The following RHOJ variants were observed in gnomAD, a reference collection of about 807,000 sequenced individuals.
The protein encoded by RHOJ is rho-related GTP-binding protein RhoJ.
Under a neutral mutation model 23.4 loss-of-function variants are expected in RHOJ, and 11 were observed. The ratio of observed to expected loss-of-function variants is 0.47; its 90% CI spans 0.30 to 0.78. The LOEUF (loss-of-function observed/expected upper bound fraction) is 0.78, where lower values mean the gene tolerates loss of function less well. Among genes scored for constraint, RHOJ ranks in the 30% least tolerant of loss-of-function variants. RHOJ has a pLI of 0.08. For synonymous variants in RHOJ, 102 were observed against 102.7 expected (o/e 0.99, Z 0.04); for missense variants, 254 against 273.4 (o/e 0.93, Z 0.50).
intron 1 of RHOJ, among the ~76,000 whole-genome samples, chr14:63,249,866 A>G (rs575564378): frequency 6.6e-6 from 1 of 152,322 alleles, no homozygotes; most frequent in African/African-American, 2.4e-5. Flanking sequence ...AAGGTTAAGA[A>G]CCACTGCTCT....
At chr14:63,254,201 C>T (rs116096990) in intron 1 of RHOJ, among the ~76,000 whole-genome samples, 1 of 152,226 alleles carries the variant, frequency 6.6e-6, no homozygotes, top group South Asian at 2.1e-4. Flanking sequence ...TGGAGTGAGC[C>T]CAAGCCATGG....
intron 4 of RHOJ, among the ~76,000 whole-genome samples, chr14:63,285,688 T>A (rs1566631671): frequency 6.6e-6 from 1 of 152,206 alleles, no homozygotes; most frequent in Non-Finnish European, 1.5e-5. Context: ...TAGTTTTTAA[T>A]CCTCAGCCTA....
chr14:63,281,663 G>C (rs1307987955), intron 3 of RHOJ, among the ~76,000 whole-genome samples: 6 of 152,136 alleles, frequency 3.9e-5, no homozygotes, highest in Non-Finnish European at 8.8e-5. Context: ...TAGAGAAGAA[G>C]TTAAAACACA....
intron 4 of RHOJ, among the ~76,000 whole-genome samples, chr14:63,287,613 T>TTTG (rs1417483272): frequency 7.2e-5 from 11 of 151,774 alleles, no homozygotes; most frequent in Non-Finnish European, 1.6e-4. Context: ...TTTTTTTTTT[T>TTTG]TCTTATCACT....
At chr14:63,232,944 T>C (rs887026456) in intron 1 of RHOJ, among the ~76,000 whole-genome samples, 2 of 152,150 alleles carry the variant, frequency 1.3e-5, no homozygotes, top group East Asian at 3.9e-4. Context: ...AATCCACCTG[T>C]CTCGGCCTCC....
chr14:63,279,507 GA>G (rs1298641467), intron 2 of RHOJ, among the ~76,000 whole-genome samples: 4 of 152,150 alleles, frequency 2.6e-5, no homozygotes, highest in Middle Eastern at 3.2e-3. Flanking sequence ...TTTTACCGTG[GA>G]ACCTCCTAAA....
intron 4 of RHOJ, 22 bp downstream of exon 4, chr14:63,283,238 A>C (rs2139666144): frequency 6.4e-7 from 1 of 1,568,510 alleles, no homozygotes; most frequent in South Asian, 1.1e-5. Context: ...TTTGAATTTC[A>C]TTTTAAATGT....
At chr14:63,276,469 G>T (rs1386433279) in intron 2 of RHOJ, among the ~76,000 whole-genome samples, 1 of 152,188 alleles carries the variant, frequency 6.6e-6, no homozygotes, top group Admixed American at 6.5e-5. Context: ...ATAATTTCAT[G>T]TATTTTCATT....
At chr14:63,276,210 T>TGG (rs11354682) in intron 2 of RHOJ, among the ~76,000 whole-genome samples, 1 of 149,382 alleles carries the variant, frequency 6.7e-6, no homozygotes, top group East Asian at 2.0e-4. Flanking sequence ...TCAGCTTCGG[T>TGG]GGGGGGGGGC....
intron 1 of RHOJ, among the ~76,000 whole-genome samples, chr14:63,240,753 CA>C (rs1390012774): frequency 2.6e-5 from 4 of 152,066 alleles, no homozygotes; most frequent in African/African-American, 9.7e-5. Context: ...GAACAAGTAA[CA>C]AAACATAATG....
intron 2 of RHOJ, among the ~76,000 whole-genome samples, chr14:63,274,501 T>C (rs1331709119): frequency 1.3e-5 from 2 of 152,110 alleles, no homozygotes; most frequent in Admixed American, 6.5e-5. Flanking sequence ...ACTACTCAGT[T>C]CAGAAAAAGT....
chr14:63,259,749 T>C (rs1895240614), intron 1 of RHOJ, among the ~76,000 whole-genome samples: 1 of 152,194 alleles, frequency 6.6e-6, no homozygotes, highest in Non-Finnish European at 1.5e-5. Flanking sequence ...TGAATATTTC[T>C]TGACATATAT....
chr14:63,235,482 A>G (rs1337991446), intron 1 of RHOJ, among the ~76,000 whole-genome samples: 2 of 152,168 alleles, frequency 1.3e-5, no homozygotes, highest in African/African-American at 4.8e-5. Flanking sequence ...TTTATAGGTA[A>G]AATGTCACCA....
chr14:63,227,150 C>T (rs1398408743), intron 1 of RHOJ, among the ~76,000 whole-genome samples: 1 of 152,066 alleles, frequency 6.6e-6, no homozygotes, highest in Non-Finnish European at 1.5e-5. Context: ...CGGGGTTTCA[C>T]CATGTTGGCC....
chr14:63,213,994 T>C (rs980885707), intron 1 of RHOJ, among the ~76,000 whole-genome samples: 1 of 152,178 alleles, frequency 6.6e-6, no homozygotes, highest in Non-Finnish European at 1.5e-5. Flanking sequence ...AAACAGACTT[T>C]AATAGACACT....
chr14:63,286,535 G>T (rs538023565), intron 4 of RHOJ, among the ~76,000 whole-genome samples: 5 of 152,136 alleles, frequency 3.3e-5, no homozygotes, highest in Admixed American at 2.6e-4. Flanking sequence ...GGCAACTGAC[G>T]GGCCAAAGTT....
At chr14:63,278,137 G>T (rs539844666) in intron 2 of RHOJ, among the ~76,000 whole-genome samples, 2 of 151,640 alleles carry the variant, frequency 1.3e-5, no homozygotes, top group East Asian at 3.9e-4. Flanking sequence ...CAATAGTGGG[G>T]GTTTTTTTTG....
At chr14:63,224,701 A>G (rs1309931005) in intron 1 of RHOJ, among the ~76,000 whole-genome samples, 1 of 152,198 alleles carries the variant, frequency 6.6e-6, no homozygotes, top group Non-Finnish European at 1.5e-5. Flanking sequence ...AAGCACAATG[A>G]GTTCCTACTA....
intron 1 of RHOJ, among the ~76,000 whole-genome samples, chr14:63,217,357 G>A (rs59093387): frequency 0.29 from 43,132 of 150,534 alleles, 7,502 homozygotes; most frequent in African/African-American, 0.49. Context: ...TTGTTCTTGC[G>A]ATAGTTTACT....
Sources: gnomAD v4.1 joint callset for allele counts (sites outside exome capture counted in the v4.1 genomes callset) on GRCh38, gnomAD v4.1.1 for gene constraint, MANE v1.5 for transcripts, NCBI Gene and HGNC (gene_info 2026-07-23, HGNC 2026-07-21) for gene names.